CLIP4: variants seen among roughly 807,000 people sequenced by gnomAD.
The protein encoded by CLIP4 is CAP-Gly domain containing linker protein family member 4, also known as CAP-Gly domain-containing linker protein 4.
In CLIP4, 47 loss-of-function variants were observed where a neutral mutation model predicts 73.1. That is an observed-to-expected ratio of 0.64 (90% CI 0.51 to 0.82). The LOEUF (loss-of-function observed/expected upper bound fraction) is 0.82. Ranked by LOEUF, CLIP4 falls within the 40% of genes least tolerant of loss-of-function variation. The pLI is 0.00. For missense variants in CLIP4, 874 were observed against 852.9 expected, an observed-to-expected ratio of 1.02 and a Z score of -0.31; for synonymous variants, 306 against 295.4, an observed-to-expected ratio of 1.04 and a Z score of -0.37.
chr2:29,174,564 G>T (rs1410580803), intron 15 of CLIP4, 119 bp downstream of exon 15: 4 of 1,440,888 alleles, frequency 2.8e-6, no homozygotes, highest in Non-Finnish European at 3.6e-6. Flanking sequence ...TAACACGTAG[G>T]AGAAAAGGTG....
At position 29,151,737 on chromosome 2, in the gene CLIP4, G is replaced by A. The variant is rs139152634; in HGVS notation, c.1022-948G>A. 3.3e-3 allele frequency among the ~76,000 whole-genome samples: 505 copies of A among 152,216 alleles called. 4 individuals carry two copies. Among genetic ancestry groups the A allele is most frequent in the Non-Finnish European group, 3.6e-3 (246 of 68,022 alleles). ...AGTCATAATGTATATTTGCTAGATT[G>A]TAAACACTCAATGAAAGAGTGTAAT... On this transcript the variant is annotated intron_variant, in intron 8 of 15. Coordinates refer to ENST00000320081, the MANE Select transcript of CLIP4 (RefSeq NM_024692.6).
At chr2:29,121,817 C>T (rs180929846) in intron 2 of CLIP4, among the ~76,000 whole-genome samples, 2 of 152,100 alleles carry the variant, frequency 1.3e-5, no homozygotes, top group East Asian at 3.9e-4. Flanking sequence ...CATTCTTCTG[C>T]TATTGATGTA....
chr2:29,178,133 A>C (rs1294888977), intron 15 of CLIP4, among the ~76,000 whole-genome samples: 1 of 152,108 alleles, frequency 6.6e-6, no homozygotes, highest in African/African-American at 2.4e-5. Flanking sequence ...TATCACTGTT[A>C]GCATTTGGTA....
At chr2:29,133,115 T>C (rs1029845429) in intron 4 of CLIP4, among the ~76,000 whole-genome samples, 3 of 152,000 alleles carry the variant, frequency 2.0e-5, no homozygotes, top group Non-Finnish European at 4.4e-5. Context: ...GTAAGCCCAG[T>C]AGTTGAGGGT....
intron 1 of CLIP4, among the ~76,000 whole-genome samples, chr2:29,118,595 C>T (rs1817144): frequency 0.83 from 125,449 of 150,898 alleles, 52,437 homozygotes; most frequent in East Asian, 0.99. Flanking sequence ...CTCGGCTTAC[C>T]GCAATCTCTG....
In CLIP4 at chr2:29,145,328, G is replaced by T. The variant is rs1313686455; in HGVS notation, c.982G>T (p.Val328Phe). ...ACCAGAAGGAAAAAATAATGGAAGT[G>T]TTGGAAAAGTCCAGTACTTTAAATG... ...DEPEGKNNGSVGKVQYFKCAP... is the reference protein window; with the variant it reads ...DEPEGKNNGSFGKVQYFKCAP... The change falls in exon 8 of 16, where the codon GTT (valine) becomes TTT (phenylalanine). Residue 328 changes from valine (V) to phenylalanine (F), a missense_variant. Coordinates refer to ENST00000320081, the MANE Select transcript of CLIP4 (RefSeq NM_024692.6). 6.2e-7 allele frequency: 1 copy of T among 1,612,898 alleles called. No homozygotes were observed. Among genetic ancestry groups the T allele is most frequent in the African/African-American group, 1.3e-5 (1 of 75,016 alleles).
intron 12 of CLIP4, 120 bp from the exon 13 acceptor site, chr2:29,163,711 T>A: frequency 1.1e-6 from 1 of 889,970 alleles, no homozygotes; most frequent in African/African-American, 1.7e-5. Flanking sequence ...AGTATCATGA[T>A]CTTCCCTCAT....
intron 11 of CLIP4, among the ~76,000 whole-genome samples, chr2:29,158,633 T>G (rs1459250746): frequency 6.6e-6 from 1 of 152,084 alleles, no homozygotes; most frequent in Non-Finnish European, 1.5e-5. Flanking sequence ...AGATTTGCAT[T>G]TGAGGGAGAT....
At chr2:29,126,168 G>A (rs775567555) in intron 2 of CLIP4, among the ~76,000 whole-genome samples, 10 of 152,210 alleles carry the variant, frequency 6.6e-5, no homozygotes, top group Non-Finnish European at 1.3e-4. Flanking sequence ...CTGGGCGAGA[G>A]AGTGAGACTC....
At position 29,103,591 on chromosome 2, in the gene CLIP4, G is replaced by A. The variant is rs116609687; in HGVS notation, c.-16+5644G>A. On this transcript the variant is annotated intron_variant, in intron 1 of 14. Coordinates refer to the CLIP4 transcript ENST00000401605. ...AAATGAGGGAGCTGAGTTTTTGAGAGGTTATTTTATTTATTTAAGGTTCCA... is the reference window on the plus strand; with the variant it reads ...AAATGAGGGAGCTGAGTTTTTGAGAAGTTATTTTATTTATTTAAGGTTCCA... Among the ~76,000 whole-genome samples the A allele has an allele frequency of 9.8e-3, 1,497 of 152,078 alleles. 26 individuals are homozygous for A. The highest frequency in any genetic ancestry group is 0.034 in the African/African-American group (1,425 of 41,490).
rs112003870 is a variant in CLIP4 at position 29,104,909 on chromosome 2, G to C, written c.-16+6962G>C. On this transcript the variant is annotated intron_variant, in intron 1 of 14. Coordinates refer to the CLIP4 transcript ENST00000401605. ...AGAAGTCAGGGTGCTAGGACGAGCGGGGTGCAAGTGGGCGGCAAGCCAGTC... is the reference window on the plus strand; with the variant it reads ...AGAAGTCAGGGTGCTAGGACGAGCGCGGTGCAAGTGGGCGGCAAGCCAGTC... Among the ~76,000 whole-genome samples, 163 of 152,346 alleles carry C rather than the reference G, an allele frequency of 1.1e-3. 2 individuals are homozygous for C. The highest frequency in any genetic ancestry group is 3.8e-3 in the African/African-American group (158 of 41,570).
In CLIP4 at chr2:29,175,976, T is replaced by C. The variant is rs571451456; in HGVS notation, c.1796+1531T>C. ...CGGGATTTCACTGTGTTAGCCAGGA[T>C]GGTCTCGATCTCCTGACATCATGAT... On this transcript the variant is annotated intron_variant, in intron 15 of 15. Coordinates refer to ENST00000320081, the MANE Select transcript of CLIP4 (RefSeq NM_024692.6). Among the ~76,000 whole-genome samples, 18 of 152,324 alleles carry C rather than the reference T, an allele frequency of 1.2e-4. 1 individual carries two copies. The highest frequency in any genetic ancestry group is 6.8e-3 in the Middle Eastern group (2 of 294).
In CLIP4 at chr2:29,143,933, T is replaced by C; in HGVS notation, c.873T>C (p.Ile291=). ...LGLKLGDRVV[I]AGQKVGTLRF... is the part of the protein sequence containing the mutation. ...TGAAGTTGGGGGATCGTGTTGTTATTGCAGGACAGAAGGTACAGTAAGTAA... is the reference window on the plus strand; with the variant it reads ...TGAAGTTGGGGGATCGTGTTGTTATCGCAGGACAGAAGGTACAGTAAGTAA... The change falls in exon 7 of 16, where the codon ATT becomes ATC. Residue 291 remains isoleucine, a synonymous_variant. Coordinates refer to ENST00000320081, the MANE Select transcript of CLIP4 (RefSeq NM_024692.6). The C allele has an allele frequency of 6.2e-7, 1 of 1,614,096 alleles. No homozygotes were observed. The highest frequency in any genetic ancestry group is 8.5e-7 in the Non-Finnish European group (1 of 1,179,928).
rs1286258399 is a variant in CLIP4, at chr2:29,121,359, T to C, written c.-15-15T>C. 1 of 1,573,186 alleles carries C rather than the reference T, an allele frequency of 6.4e-7. No individual in the cohort carries two copies. Among genetic ancestry groups the C allele is most frequent in the African/African-American group, 1.4e-5 (1 of 72,390 alleles). Reference sequence around the variant, plus strand: ...AAATAAAGTAGAAACACTTTTTTTTTCTTTCTTATTATAGGTGGCTTTCTA... The same window carrying C: ...AAATAAAGTAGAAACACTTTTTTTTCCTTTCTTATTATAGGTGGCTTTCTA... On this transcript the variant is annotated splice_polypyrimidine_tract_variant and intron_variant, in intron 1 of 15. Coordinates refer to ENST00000320081, the MANE Select transcript of CLIP4 (RefSeq NM_024692.6).
chr2:29,118,795 C>G (rs1664053243), intron 1 of CLIP4, among the ~76,000 whole-genome samples: 1 of 152,244 alleles, frequency 6.6e-6, no homozygotes, highest in African/African-American at 2.4e-5. Flanking sequence ...GCTGGGATTA[C>G]AGGTGTGAGC....
At chr2:29,159,294 G>A (rs1667135242) in intron 11 of CLIP4, among the ~76,000 whole-genome samples, 1 of 151,978 alleles carries the variant, frequency 6.6e-6, no homozygotes, top group Admixed American at 6.6e-5. Context: ...CTCCTCCAGA[G>A]TTCTCTACTC....
chr2:29,153,663 T>A (rs1666731489), intron 9 of CLIP4, among the ~76,000 whole-genome samples: 1 of 152,180 alleles, frequency 6.6e-6, no homozygotes, highest in Admixed American at 6.5e-5. Flanking sequence ...ACAAAACAGG[T>A]GCTCAATAAA....
intron 12 of CLIP4, among the ~76,000 whole-genome samples, chr2:29,162,146 A>G (rs1667335350): frequency 6.6e-6 from 1 of 152,362 alleles, no homozygotes; most frequent in Admixed American, 6.5e-5. Context: ...TATTAAACCA[A>G]GATAGAATGG....
intron 9 of CLIP4, among the ~76,000 whole-genome samples, chr2:29,155,243 G>A (rs1288534217): frequency 6.6e-6 from 1 of 152,158 alleles, no homozygotes; most frequent in East Asian, 1.9e-4. Flanking sequence ...GCTGCAATGG[G>A]CTATGATTGT....
Sources: gnomAD v4.1 joint callset for allele counts (sites outside exome capture counted in the v4.1 genomes callset) on GRCh38, gnomAD v4.1.1 for gene constraint, MANE v1.5 for transcripts, NCBI Gene and HGNC (gene_info 2026-07-23, HGNC 2026-07-21) for gene names.